AOAH: variants seen among roughly 807,000 people sequenced by gnomAD.
AOAH encodes acyloxyacyl hydrolase (neutrophil).
Under a neutral mutation model 92.2 loss-of-function variants are expected in AOAH, and 64 were observed. The ratio of observed to expected loss-of-function variants is 0.69; its 90% CI spans 0.57 to 0.86. The LOEUF is 0.86. Ranked by LOEUF, AOAH falls within the 40% of genes least tolerant of loss-of-function variation. AOAH has a pLI of 0.00. For synonymous variants in AOAH, 263 were observed against 254.5 expected, an observed-to-expected ratio of 1.03 and a Z score of -0.32; for missense variants, 656 against 694.6, an observed-to-expected ratio of 0.94 and a Z score of 0.62.
intron 1 of AOAH, among the ~76,000 whole-genome samples, chr7:36,707,635 A>G (rs1035613699): frequency 6.6e-6 from 1 of 152,182 alleles, no homozygotes; most frequent in Non-Finnish European, 1.5e-5. Flanking sequence ...TCTGGCCTAA[A>G]AAGTTCTGAT....
intron 1 of AOAH, among the ~76,000 whole-genome samples, chr7:36,701,725 G>T (rs1798046756): frequency 1.3e-5 from 2 of 151,746 alleles, no homozygotes. Context: ...AGTATACTTA[G>T]ATGTTGCCTT....
At chr7:36,619,574 C>A (rs1462635743) in intron 9 of AOAH, among the ~76,000 whole-genome samples, 1 of 152,160 alleles carries the variant, frequency 6.6e-6, no homozygotes, top group Non-Finnish European at 1.5e-5. Flanking sequence ...TCACCTTAAG[C>A]TCTAGGGGAG....
intron 19 of AOAH, among the ~76,000 whole-genome samples, chr7:36,524,632 C>T (rs562542655): frequency 1.6e-4 from 25 of 151,954 alleles, no homozygotes; most frequent in Non-Finnish European, 2.8e-4. Context: ...GCCAAGATTG[C>T]GCCACTGCAC....
At chr7:36,715,094 A>C (rs1799043277) in intron 1 of AOAH, among the ~76,000 whole-genome samples, 2 of 152,200 alleles carry the variant, frequency 1.3e-5, no homozygotes, top group African/African-American at 4.8e-5. Flanking sequence ...ATCTCTGCCC[A>C]AAATCTCCTT....
intron 11 of AOAH, among the ~76,000 whole-genome samples, chr7:36,608,912 G>GGT (rs1791206472): frequency 7.2e-6 from 1 of 139,658 alleles, no homozygotes; most frequent in African/African-American, 2.7e-5. Context: ...CGGCGGGGAG[G>GGT]GGGGGGGGTC....
chr7:36,641,065 T>A (rs183182417), intron 4 of AOAH, among the ~76,000 whole-genome samples: 1 of 152,132 alleles, frequency 6.6e-6, no homozygotes, highest in East Asian at 1.9e-4. Context: ...CCTACTCAAA[T>A]CCCTCTTCAC....
chr7:36,721,224 A>G (rs1799613915), intron 1 of AOAH, among the ~76,000 whole-genome samples: 1 of 152,184 alleles, frequency 6.6e-6, no homozygotes, highest in African/African-American at 2.4e-5. Context: ...GTCAGGTCAC[A>G]TCGAGGGACT....
At position 36,694,223 on chromosome 7, in the gene AOAH, G is replaced by A. The variant is rs150628996; in HGVS notation, c.128-7429C>T. 8.5e-3 allele frequency among the ~76,000 whole-genome samples: 1,291 copies of A among 152,336 alleles called. 10 individuals are homozygous for A. Among genetic ancestry groups the A allele is most frequent in the African/African-American group, 0.029 (1,205 of 41,562 alleles). ...AAGCCTAATGCACTCAGGGCCAGGTGTGGTGGCTCACGACTGTAATCCCAG... is the reference window on the plus strand; with the variant it reads ...AAGCCTAATGCACTCAGGGCCAGGTATGGTGGCTCACGACTGTAATCCCAG... On this transcript the variant is annotated intron_variant, in intron 1 of 20. Transcript: ENST00000617537.
rs775298148 is a variant in AOAH at position 36,724,130 on chromosome 7, T to C, written c.19A>G (p.Ile7Val). 3 of 1,613,138 alleles carry C rather than the reference T, an allele frequency of 1.9e-6. No homozygotes were observed. In the South Asian group the frequency reaches 3.3e-5, roughly 18 times the overall value. The change falls in exon 1 of 21, where the codon ATC becomes GTC. Residue 7 changes from isoleucine (I) to valine (V), a missense_variant. Physicochemically the swap from Ile to Val is conservative, Grantham distance 29. Coordinates refer to ENST00000617537, the MANE Select transcript of AOAH (RefSeq NM_001637.4). MQSPWKILTVAPLFLLL... is the reference protein window; with the variant it reads MQSPWKVLTVAPLFLLL... ...AAGAATAGAGGCGCCACCGTAAGGA[T>C]TTTCCAGGGGGACTGCATCTCCGAG...
At chr7:36,663,821 G>A (rs565133951) in intron 3 of AOAH, among the ~76,000 whole-genome samples, 38 of 152,188 alleles carry the variant, frequency 2.5e-4, no homozygotes, top group African/African-American at 7.0e-4. Context: ...AATACCCAGC[G>A]GTATGAATCC....
chr7:36,517,597 C>CTTT lies in AOAH; in HGVS notation c.1600-4220_1600-4218dup, dbSNP rs70977159. Among the ~76,000 whole-genome samples, 214 of 89,564 alleles carry CTTT rather than the reference C, an allele frequency of 2.4e-3. 2 individuals are homozygous for CTTT. Among genetic ancestry groups the CTTT allele is most frequent in the East Asian group, 3.3e-3 (10 of 3,046 alleles). The allele number at this position is 89,564 out of a possible 152,430, so 58.8% of individuals were successfully genotyped here. On this transcript the variant is annotated intron_variant, in intron 20 of 20. Coordinates refer to ENST00000617537, the MANE Select transcript of AOAH (RefSeq NM_001637.4). ...GTGTAGAGCCTTTCTGACTTTATAT[C>CTTT]TTTTTTTTTTTTTTTTTTTTTGAGA...
intron 11 of AOAH, among the ~76,000 whole-genome samples, chr7:36,611,204 C>T (rs1791427999): frequency 6.6e-6 from 1 of 152,110 alleles, no homozygotes; most frequent in Non-Finnish European, 1.5e-5. Flanking sequence ...ATTTTAATAA[C>T]CCCGGAACAC....
At chr7:36,570,974 G>C (rs146008034) in intron 13 of AOAH, among the ~76,000 whole-genome samples, 520 of 152,330 alleles carry the variant, frequency 3.4e-3, no homozygotes, top group African/African-American at 0.012. Flanking sequence ...CTGGACATCA[G>C]TCTTAAAGCA....
At position 36,531,842 on chromosome 7, in the gene AOAH, T is replaced by TTGTGTGTGTGTG. The variant is rs3837108; in HGVS notation, c.1425+293_1425+304dup. 1.5e-3 allele frequency among the ~76,000 whole-genome samples: 224 copies of TTGTGTGTGTGTG among 150,624 alleles called. 4 individuals are homozygous for TTGTGTGTGTGTG. The highest frequency in any genetic ancestry group is 5.0e-3 in the African/African-American group (206 of 41,170). On this transcript the variant is annotated intron_variant, in intron 18 of 20. Transcript: ENST00000617537. ...TATGCTTAGGACCAGCTTTAAGAGG[T>TTGTGTGTGTGTG]TGTGTGTGTGTGTGTGTGTGTATGT...
intron 12 of AOAH, among the ~76,000 whole-genome samples, chr7:36,587,347 G>A (rs1789417602): frequency 6.6e-6 from 1 of 151,736 alleles, no homozygotes; most frequent in African/African-American, 2.4e-5. Flanking sequence ...GAAAAGGGAG[G>A]AGCACTTCAG....
chr7:36,556,077 G>T (rs1786683522), intron 13 of AOAH, among the ~76,000 whole-genome samples: 1 of 151,994 alleles, frequency 6.6e-6, no homozygotes. Flanking sequence ...TGTGATGTTA[G>T]GGTGTCAATT....
chr7:36,667,364 C>T (rs758277805), intron 3 of AOAH, among the ~76,000 whole-genome samples: 13 of 152,120 alleles, frequency 8.5e-5, no homozygotes, highest in Non-Finnish European at 1.6e-4. Flanking sequence ...TCTCAGTTAC[C>T]GGATTGATTG....
At position 36,616,290 on chromosome 7, in the gene AOAH, G is replaced by C; in HGVS notation, c.846+90C>G. On this transcript the variant is annotated intron_variant, in intron 11 of 20. Coordinates refer to ENST00000617537, the MANE Select transcript of AOAH (RefSeq NM_001637.4). Reference sequence around the variant, plus strand: ...TTGCTAAAGAGGGAAATTTGCACCTGTGTGGAGTTGGCATCCCATTTAGAG... The same window carrying C: ...TTGCTAAAGAGGGAAATTTGCACCTCTGTGGAGTTGGCATCCCATTTAGAG... 5.9e-6 allele frequency: 6 copies of C among 1,021,818 alleles called. No individual in the cohort carries two copies. The South Asian group carries it at 8.1e-5, about 14-fold the overall frequency. The allele number at this position is 1,021,818 out of a possible 1,614,324, so 63.3% of individuals were successfully genotyped here. A position where few individuals can be genotyped will look rare whatever the true frequency, so the allele number is the denominator to read the frequency against.
intron 16 of AOAH, among the ~76,000 whole-genome samples, chr7:36,539,124 G>A (rs555826495): frequency 6.6e-6 from 1 of 152,312 alleles, no homozygotes; most frequent in Non-Finnish European, 1.5e-5. Context: ...GCAAGAAAAG[G>A]CTCTTGATGG....
Sources: allele counts gnomAD v4.1 joint callset (sites outside exome capture counted in the v4.1 genomes callset), GRCh38; gene constraint gnomAD v4.1.1; transcripts MANE v1.5; gene names NCBI Gene and HGNC (gene_info 2026-07-23, HGNC 2026-07-21).